EYS: variants seen among roughly 807,000 people sequenced by gnomAD.
The protein encoded by EYS is protein eyes shut homolog.
A neutral mutation model predicts 282.1 loss-of-function variants in EYS; 250 were observed. The ratio of observed to expected loss-of-function variants is 0.89; its 90% CI spans 0.80 to 0.98. The LOEUF is 0.98. Ranked by LOEUF, EYS falls within the 50% of genes least tolerant of loss-of-function variation. The probability of loss-of-function intolerance (pLI) is 0.00; values close to 1 mark genes in which losing one functional copy is unlikely to be tolerated. For missense variants in EYS, 4,016 were observed against 3,709.0 expected, an observed-to-expected ratio of 1.08 and a Z score of -2.15; for synonymous variants, 1,355 against 1,282.9, an observed-to-expected ratio of 1.06 and a Z score of -1.20.
At chr6:64,887,918 A>T (rs1767150768) in intron 18 of EYS, among the ~76,000 whole-genome samples, 1 of 152,052 alleles carries the variant, frequency 6.6e-6, no homozygotes, top group South Asian at 2.1e-4. Flanking sequence ...AAGGAGCAGG[A>T]TCAGTGTTTT....
At chr6:64,530,987 T>C (rs535867169) in intron 26 of EYS, among the ~76,000 whole-genome samples, 1 of 152,244 alleles carries the variant, frequency 6.6e-6, no homozygotes, top group South Asian at 2.1e-4. Flanking sequence ...TAACCTTTGA[T>C]ATGCCGGTAA....
intron 5 of EYS, among the ~76,000 whole-genome samples, chr6:65,432,594 G>A (rs1279807715): frequency 2.6e-5 from 4 of 152,064 alleles, no homozygotes; most frequent in Admixed American, 1.3e-4. Context: ...GAGTACAGAC[G>A]TGGGAGAGTG....
intron 12 of EYS, among the ~76,000 whole-genome samples, chr6:65,172,782 C>A (rs922968397): frequency 1.3e-5 from 2 of 151,084 alleles, no homozygotes; most frequent in East Asian, 2.0e-4. Flanking sequence ...ATTAATATCA[C>A]GTCAAATAAT....
intron 12 of EYS, among the ~76,000 whole-genome samples, chr6:65,204,883 T>TTTATATATTCTGGAAGAACGC (rs1562021106): frequency 1.1e-5 from 1 of 88,356 alleles, no homozygotes; most frequent in African/African-American, 5.1e-5. Context: ...TGGAAGAACG[T>TTTATATATTCTGGAAGAACGC]ATTTATATAT....
intron 19 of EYS, among the ~76,000 whole-genome samples, chr6:64,844,778 G>A (rs11965254): frequency 0.023 from 3,458 of 152,106 alleles, 134 homozygotes; most frequent in African/African-American, 0.08. Context: ...TTTCACTTTG[G>A]AAATTAATGC....
At chr6:65,219,665 G>A (rs1337137428) in intron 12 of EYS, among the ~76,000 whole-genome samples, 1 of 151,980 alleles carries the variant, frequency 6.6e-6, no homozygotes, top group Non-Finnish European at 1.5e-5. Context: ...AACAATAATT[G>A]TATTAGTCTG....
At chr6:64,275,750 T>C (rs961184516) in intron 30 of EYS, among the ~76,000 whole-genome samples, 2 of 151,412 alleles carry the variant, frequency 1.3e-5, no homozygotes, top group Admixed American at 6.6e-5. Context: ...AGGTCAGAGA[T>C]TGAGACCATC....
chr6:64,775,241 A>C (rs192269717), intron 22 of EYS, among the ~76,000 whole-genome samples: 10 of 151,962 alleles, frequency 6.6e-5, no homozygotes, highest in African/African-American at 1.2e-4. Context: ...AACTCCTCTA[A>C]ACCAAATAGA....
At chr6:64,007,261 A>G (rs1768392474) in intron 33 of EYS, among the ~76,000 whole-genome samples, 1 of 151,736 alleles carries the variant, frequency 6.6e-6, no homozygotes, top group Non-Finnish European at 1.5e-5. Flanking sequence ...CATTTCTTCT[A>G]GGTTTTCTAG....
chr6:65,318,118 C>T (rs1235559775), intron 11 of EYS, among the ~76,000 whole-genome samples: 1 of 151,098 alleles, frequency 6.6e-6, no homozygotes, highest in East Asian at 2.0e-4. Context: ...CCGCCCACCT[C>T]GGCCTCCCAA....
intron 26 of EYS, among the ~76,000 whole-genome samples, chr6:64,485,857 T>G (rs1776566740): frequency 6.6e-6 from 1 of 151,514 alleles, no homozygotes; most frequent in African/African-American, 2.4e-5. Flanking sequence ...CTAGTGCCAA[T>G]GTTTACTATT....
At chr6:65,048,972 T>G (rs1773187615) in intron 13 of EYS, among the ~76,000 whole-genome samples, 1 of 151,792 alleles carries the variant, frequency 6.6e-6, no homozygotes, top group South Asian at 2.1e-4. Flanking sequence ...GTGCCATAAG[T>G]AGATTTTAGG....
chr6:63,763,966 C>G (rs140526467), intron 40 of EYS, among the ~76,000 whole-genome samples: 1 of 148,768 alleles, frequency 6.7e-6, no homozygotes, highest in Admixed American at 6.8e-5. Context: ...TCCCTCCCTC[C>G]CTCACTCCCT....
At chr6:64,057,394 TAA>T (rs377401166) in intron 33 of EYS, among the ~76,000 whole-genome samples, 13,642 of 150,108 alleles carry the variant, frequency 0.091, 1,102 homozygotes, top group African/African-American at 0.22. Flanking sequence ...TTTTTTTTTT[TAA>T]AAATAGAATG....
chr6:65,037,539 A>G (rs1220552317), intron 13 of EYS, among the ~76,000 whole-genome samples: 2 of 151,788 alleles, frequency 1.3e-5, no homozygotes, highest in Non-Finnish European at 2.9e-5. Context: ...TCTCTTCCGT[A>G]TGATTTTCTT....
chr6:64,456,338 C>T (rs559849063), intron 26 of EYS, among the ~76,000 whole-genome samples: 4 of 152,156 alleles, frequency 2.6e-5, no homozygotes, highest in South Asian at 2.1e-4. Context: ...TTTGTGAAGT[C>T]ATTTCACTTC....
intron 29 of EYS, among the ~76,000 whole-genome samples, chr6:64,377,111 A>AGATAGATG (rs1554150571): frequency 2.0e-5 from 3 of 148,798 alleles, no homozygotes; most frequent in African/African-American, 7.8e-5. Context: ...ATAGATGGAT[A>AGATAGATG]GATAGATAGA....
chr6:64,847,680 A>T (rs1415100648), intron 19 of EYS, among the ~76,000 whole-genome samples: 2 of 152,074 alleles, frequency 1.3e-5, no homozygotes, highest in Admixed American at 6.6e-5. Flanking sequence ...TTGGATTTAC[A>T]CTAACCCCTA....
chr6:64,550,317 C>A (rs946093485), intron 26 of EYS, among the ~76,000 whole-genome samples: 44 of 152,288 alleles, frequency 2.9e-4, no homozygotes, highest in African/African-American at 1.1e-3. Context: ...GCCACTCTGA[C>A]TTCCATAATG....
Sources: gnomAD v4.1 joint callset for allele counts (sites outside exome capture counted in the v4.1 genomes callset) on GRCh38, gnomAD v4.1.1 for gene constraint, MANE v1.5 for transcripts, NCBI Gene and HGNC (gene_info 2026-07-23, HGNC 2026-07-21) for gene names.